Variants in KRT16 observed in about 807,000 individuals in gnomAD.
KRT16 encodes the protein keratin, type I cytoskeletal 16.
In KRT16, 42 loss-of-function variants were observed where a neutral mutation model predicts 44.8. The ratio of observed to expected loss-of-function variants is 0.94; its 90% CI spans 0.73 to 1.21. KRT16 has a LOEUF of 1.21. Ranked by LOEUF, KRT16 falls within the 50% of genes most tolerant of loss-of-function variation. KRT16 has a pLI of 0.00. For synonymous variants in KRT16, 226 were observed against 260.4 expected (o/e 0.87, Z 1.27); for missense variants, 561 against 626.9 (o/e 0.89, Z 1.12).
rs570374826 is a variant in KRT16 at position 41,612,623 on chromosome 17, G to A, written c.66C>T (p.Gly22=). ...TGCGGCTGGAGCCGCCCCCGATGCC[G>A]CCTCCGATGCCGCAGGAGCCCTTCA... ...SSMKGSCGIG[G]GIGGGSSRIS... The change falls in exon 1 of 8, where the codon GGC becomes GGT. Residue 22 remains glycine (G), a synonymous_variant. Transcript: ENST00000301653. 5.5e-5 allele frequency: 88 copies of A among 1,596,990 alleles called. 1 individual carries two copies. In the Admixed American group the frequency reaches 6.6e-4, roughly 12 times the overall value.
At chr17:41,610,664 A>G (rs1597684854) in intron 5 of KRT16, 113 bp from the exon 6 acceptor site, 1 of 1,477,552 alleles carries the variant, frequency 6.8e-7, no homozygotes, top group Non-Finnish European at 9.4e-7. Context: ...TGGGGTACTG[A>G]TGGGCCAGAC....
Position 41,610,427 on chromosome 17 carries a change from T to G in KRT16, c.1184A>C (p.Gln395Pro), listed in dbSNP as rs766279027. ...QLAQLRCEME[Q>P]QSQEYQILLD... ...CAAGATCTGGTACTCCTGGCTCTGC[T>G]GCTCCATCTCACAGCGTAGCTGGGC... is the stretch of plus-strand genomic sequence containing the variant. The change falls in exon 6 of 8, where the codon CAG becomes CCG. Residue 395 changes from glutamine to proline, a missense_variant. By Grantham distance (76) the Gln-to-Pro change is moderately conservative (BLOSUM62 -1). Coordinates refer to ENST00000301653, the MANE Select transcript of KRT16 (RefSeq NM_005557.4). 4 of 1,612,164 alleles carry G rather than the reference T, an allele frequency of 2.5e-6. No homozygotes were observed. The African/African-American group carries it at 5.3e-5, about 22-fold the overall frequency.
rs753778176 is a variant in KRT16, at chr17:41,612,349, C to T, written c.340G>A (p.Val114Met). Residue 114 changes from valine to methionine, a missense_variant, in exon 1 of 8, where the codon GTG becomes ATG. By Grantham distance (21) the Val-to-Met change is conservative. Transcript: ENST00000301653. The stretch of plus-strand genomic sequence containing the variant: ...TGCATGGTCACCTTCTCACTGCCCA[C>T]CAGAAGCCCATCACCACCAGCAAAA... The part of the protein sequence containing the change: ...GGFAGGDGLL[V>M]GSEKVTMQNL... 1.9e-6 allele frequency: 3 copies of T among 1,614,160 alleles called. No homozygotes were observed. The highest frequency in any genetic ancestry group is 2.5e-6 in the Non-Finnish European group (3 of 1,180,030).
chr17:41,611,310 C>G lies in KRT16; in HGVS notation c.771+35G>C, dbSNP rs752211714. The G allele has an allele frequency of 9.9e-6, 16 of 1,614,016 alleles. No individual in the cohort carries two copies. In the South Asian group the frequency reaches 1.8e-4, roughly 18 times the overall value. On this transcript the variant is annotated intron_variant, in intron 3 of 7. Coordinates refer to ENST00000301653, the MANE Select transcript of KRT16 (RefSeq NM_005557.4). The stretch of plus-strand genomic sequence containing the variant: ...GGTGCATCTGGCAACCCCACCAAAC[C>G]AGCCTCCCACCCCGGAAGCCAGCAG...
At chr17:41,611,542 G>C (rs772092665) in intron 2 of KRT16, 41 bp from the exon 3 acceptor site, 19 of 1,612,082 alleles carry the variant, frequency 1.2e-5, no homozygotes, top group Non-Finnish European at 1.6e-5. Flanking sequence ...GCAGCCCTGA[G>C]GATTCTGAGG....
At chr17:41,612,087 T>C in intron 1 of KRT16, 71 bp downstream of exon 1, 1 of 1,576,588 alleles carries the variant, frequency 6.3e-7, no homozygotes, top group Non-Finnish European at 8.7e-7. Flanking sequence ...GTGTAATTGC[T>C]AAAAAGAGGT....
In KRT16 at chr17:41,611,472, G is replaced by A; in HGVS notation, c.644C>T (p.Thr215Ile). Residue 215 changes from threonine (T) to isoleucine (I), a missense_variant, in exon 3 of 8, where the codon ACT becomes ATT. Transcript: ENST00000301653. The stretch of plus-strand genomic sequence containing the variant: ...CAGGCCATTGACGTCGGCCTCCACA[G>A]TCTGCCGCAGGGCCAGTTCATGCTC... Reference protein sequence around the residue: ...KYEHELALRQTVEADVNGLRR... With the variant: ...KYEHELALRQIVEADVNGLRR... 1 of 1,614,060 alleles carries A rather than the reference G, an allele frequency of 6.2e-7. No individual in the cohort carries two copies. The highest frequency in any genetic ancestry group is 1.1e-5 in the South Asian group (1 of 91,078).
In KRT16 at chr17:41,612,140, T is replaced by C. The variant is rs758099495; in HGVS notation, c.531+18A>G. 1 of 1,611,992 alleles carries C rather than the reference T, an allele frequency of 6.2e-7. No individual in the cohort carries two copies. The highest frequency in any genetic ancestry group is 8.5e-7 in the Non-Finnish European group (1 of 1,179,822). On this transcript the variant is annotated intron_variant, in intron 1 of 7. Coordinates refer to ENST00000301653, the MANE Select transcript of KRT16 (RefSeq NM_005557.4). ...AGCCCCAGCCTCTCTCAGTGCTCCATACACCAAAGTCACCCACCTTGTTCC... is the reference window on the plus strand; with the variant it reads ...AGCCCCAGCCTCTCTCAGTGCTCCACACACCAAAGTCACCCACCTTGTTCC...
Position 41,610,232 on chromosome 17 carries a change from A to C in KRT16, c.1285T>G (p.Ser429Ala), listed in dbSNP as rs1366916767. 13 of 1,613,786 alleles carry C rather than the reference A, an allele frequency of 8.1e-6. No homozygotes were observed. The highest frequency in any genetic ancestry group is 1.1e-5 in the Non-Finnish European group (13 of 1,179,842). Reference sequence around the variant, plus strand: ...GATTGGCCAGATGCTTGCTGGGAGGAAAGGCTGTGGGAGAGAAAAAGCAGG... The same window carrying C: ...GATTGGCCAGATGCTTGCTGGGAGGCAAGGCTGTGGGAGAGAAAAAGCAGG... ...RLLEGEDAHL[S>A]SQQASGQSYS... Residue 429 changes from serine (S) to alanine (A), a missense_variant, in exon 7 of 8, where the codon TCC (serine) becomes GCC (alanine). Physicochemically the swap from Ser to Ala is moderately conservative, Grantham distance 99 (BLOSUM62 1). Coordinates refer to ENST00000301653, the MANE Select transcript of KRT16 (RefSeq NM_005557.4).
At chr17:41,610,652 G>T in intron 5 of KRT16, 101 bp from the exon 6 acceptor site, 1 of 1,507,402 alleles carries the variant, frequency 6.6e-7, no homozygotes, top group Non-Finnish European at 9.2e-7. Flanking sequence ...TTTGATCCCA[G>T]TTGGGGTACT....
rs748848000 is a variant in KRT16, at chr17:41,612,629, G to C, written c.60C>G (p.Ile20Met). 1.9e-6 allele frequency: 3 copies of C among 1,598,472 alleles called. No homozygotes were observed. Among genetic ancestry groups the C allele is most frequent in the Non-Finnish European group, 2.6e-6 (3 of 1,173,536 alleles). Residue 20 changes from isoleucine (I) to methionine (M), a missense_variant, in exon 1 of 8, where the codon ATC (isoleucine) becomes ATG (methionine). Coordinates refer to ENST00000301653, the MANE Select transcript of KRT16 (RefSeq NM_005557.4). Reference protein sequence around the residue: ...SSSSMKGSCGIGGGIGGGSSR... With the variant: ...SSSSMKGSCGMGGGIGGGSSR... ...TGGAGCCGCCCCCGATGCCGCCTCC[G>C]ATGCCGCAGGAGCCCTTCATGGAGC...
intron 4 of KRT16, 23 bp downstream of exon 4, chr17:41,611,046 C>A (rs773354798): frequency 2.2e-5 from 35 of 1,613,918 alleles, no homozygotes; most frequent in Non-Finnish European, 2.8e-5. Flanking sequence ...GTGCTGCAGG[C>A]TCACTGCGGG....
rs150916635 is a variant in KRT16 at position 41,610,514 on chromosome 17, C to T, written c.1097G>A (p.Gly366Asp). 298 of 1,611,962 alleles carry T rather than the reference C, an allele frequency of 1.8e-4. No individual in the cohort carries two copies. Among genetic ancestry groups the T allele is most frequent in the Non-Finnish European group, 2.4e-4 (279 of 1,179,872 alleles). ...CTGGGACAGCTGCATGCAGTAGCGG[C>T]CTTTGGTCTCCTCCAGGCTGTTCTC... ...SLENSLEETK[G>D]RYCMQLSQIQ... Residue 366 changes from glycine to aspartate, a missense_variant, in exon 6 of 8, where the codon GGC (glycine) becomes GAC (aspartate). By Grantham distance (94) the Gly-to-Asp change is moderately conservative. Transcript: ENST00000301653.
chr17:41,612,116 G>T (rs759912887), intron 1 of KRT16, 42 bp downstream of exon 1: 3 of 1,609,850 alleles, frequency 1.9e-6, no homozygotes, highest in Non-Finnish European at 2.5e-6. Context: ...GGCCACTGTA[G>T]CCCCAGCCTC....
rs1053368501 is a variant in KRT16, at chr17:41,610,096, G to A, written c.1328-67C>T. The A allele has an allele frequency of 3.3e-5, 52 of 1,580,024 alleles. No homozygotes were observed. In the African/African-American group the frequency reaches 5.0e-4, roughly 15 times the overall value. Reference sequence around the variant, plus strand: ...TAAGCTGACTCCAGGGCAGGGAGAAGGGAGGGCTGGGAGCTCTGAGGAGAA... The same window carrying A: ...TAAGCTGACTCCAGGGCAGGGAGAAAGGAGGGCTGGGAGCTCTGAGGAGAA... On this transcript the variant is annotated intron_variant, in intron 7 of 7. Coordinates refer to ENST00000301653, the MANE Select transcript of KRT16 (RefSeq NM_005557.4).
chr17:41,610,907 G>C lies in KRT16; in HGVS notation c.1006C>G (p.Leu336Val). ...VQSSRSEVTE[L>V]RRVLQGLEIE... ...TCCAGGCCCTGGAGCACCCTCCGGAGCTCCGTCACCTCACTGCGGCTGCTC... is the reference window on the plus strand; with the variant it reads ...TCCAGGCCCTGGAGCACCCTCCGGACCTCCGTCACCTCACTGCGGCTGCTC... The change falls in exon 5 of 8, where the codon CTC becomes GTC. Residue 336 changes from leucine (L) to valine (V), a missense_variant. Leu to Val is a conservative substitution (Grantham distance 32). Coordinates refer to ENST00000301653, the MANE Select transcript of KRT16 (RefSeq NM_005557.4). The C allele has an allele frequency of 6.2e-7, 1 of 1,614,146 alleles. No individual in the cohort carries two copies. Among genetic ancestry groups the C allele is most frequent in the East Asian group, 2.2e-5 (1 of 44,866 alleles).
rs1453147504 is a variant in KRT16, at chr17:41,610,351, C to T, written c.1260G>A (p.Leu420=). The part of the protein sequence containing the change: ...LEQEIATYRR[L]LEGEDAHLSS... ...CTCACTGGGCATCCTCGCCCTCCAG[C>T]AGGCGGCGGTAGGTGGCAATCTCCT... The change falls in exon 6 of 8, where the codon CTG becomes CTA. Residue 420 remains leucine, a synonymous_variant. Coordinates refer to ENST00000301653, the MANE Select transcript of KRT16 (RefSeq NM_005557.4). 5 of 1,612,724 alleles carry T rather than the reference C, an allele frequency of 3.1e-6. No individual in the cohort carries two copies. The highest frequency in any genetic ancestry group is 3.4e-6 in the Non-Finnish European group (4 of 1,179,890).
chr17:41,610,323 G>A lies in KRT16; in HGVS notation c.1280+8C>T, dbSNP rs763676345. The A allele has an allele frequency of 3.1e-6, 5 of 1,613,192 alleles. No homozygotes were observed. The Admixed American group carries it at 8.3e-5, about 27-fold the overall frequency. On this transcript the variant is annotated splice_region_variant and intron_variant, in intron 6 of 7. Transcript: ENST00000301653. ...CTGGGAGGCAGAACTGAGGGGCCTG[G>A]GACTCACTGGGCATCCTCGCCCTCC...
Position 41,611,556 on chromosome 17 carries a change from G to C in KRT16, c.615-55C>G, listed in dbSNP as rs113973409. The C allele has an allele frequency of 5.2e-4, 843 of 1,609,338 alleles. 6 individuals are homozygous for C. The African/African-American group carries it at 9.4e-3, about 18-fold the overall frequency. On this transcript the variant is annotated intron_variant, in intron 2 of 7. Transcript: ENST00000301653. ...TGCAGCCCTGAGGATTCTGAGGCTC[G>C]GGGTCTGCTGGCCCTGCTGGGTGGA...
Sources: allele counts gnomAD v4.1 joint callset, GRCh38; gene constraint gnomAD v4.1.1; transcripts MANE v1.5; gene names NCBI Gene and HGNC (gene_info 2026-07-23, HGNC 2026-07-21).